Variants in ANTXRL observed in about 807,000 individuals in gnomAD.
The protein encoded by ANTXRL is ANTXR like, also known as anthrax toxin receptor-like.
ANTXRL carries 63 observed loss-of-function variants against 75.4 expected under a neutral mutation model. The observed-to-expected ratio is 0.84, with a 90% CI of 0.68 to 1.03. The LOEUF (loss-of-function observed/expected upper bound fraction) is 1.03, where lower values mean the gene tolerates loss of function less well. ANTXRL is among the 50% of genes least tolerant of loss of function. The probability of loss-of-function intolerance (pLI) is 0.00; values close to 1 mark genes in which losing one functional copy is unlikely to be tolerated. For synonymous variants in ANTXRL, 335 were observed against 291.3 expected, an observed-to-expected ratio of 1.15 and a Z score of -1.53; for missense variants, 797 against 789.4, an observed-to-expected ratio of 1.01 and a Z score of -0.12.
chr10:46,289,059 C>T (rs1201028322), intron 1 of ANTXRL, among the ~76,000 whole-genome samples: 13 of 152,160 alleles, frequency 8.5e-5, no homozygotes, highest in African/African-American at 2.9e-4. Flanking sequence ...CCAAAGACCA[C>T]GCAGCTGGGC....
chr10:46,310,506 T>G lies in ANTXRL; in HGVS notation c.1173+7T>G. On this transcript the variant is annotated splice_region_variant and intron_variant, in intron 14 of 16. Coordinates refer to ENST00000620264, the MANE Select transcript of ANTXRL (RefSeq NM_001278688.3). ...TGTGCAGAAGCCAGAAAAGGTAAGTTGCAGTTCTGGTCCCGATATTGTCAC... is the reference window on the plus strand; with the variant it reads ...TGTGCAGAAGCCAGAAAAGGTAAGTGGCAGTTCTGGTCCCGATATTGTCAC... 6.5e-7 allele frequency: 1 copy of G among 1,536,174 alleles called. No individual in the cohort carries two copies. Among genetic ancestry groups the G allele is most frequent in the South Asian group, 1.2e-5 (1 of 84,040 alleles).
intron 16 of ANTXRL, among the ~76,000 whole-genome samples, chr10:46,326,363 G>T (rs907271577): frequency 6.6e-6 from 1 of 152,024 alleles, no homozygotes; most frequent in Non-Finnish European, 1.5e-5. Context: ...AAAAATGAAC[G>T]GAGGCAGCCC....
Position 46,297,459 on chromosome 10 carries a change from T to C in ANTXRL, c.639T>C (p.Asp213=). 6.5e-7 allele frequency: 1 copy of C among 1,535,722 alleles called. No individual in the cohort carries two copies. Among genetic ancestry groups the C allele is most frequent in the South Asian group, 1.2e-5 (1 of 84,036 alleles). Residue 213 remains aspartate (D), a synonymous_variant, in exon 7 of 17, where the codon GAT becomes GAC. Transcript: ENST00000620264. ...ACGTTTACACCCTGGGTGTGGCTGA[T>C]TATAATCTGGATCAGGTAATTCCAA... ...GANVYTLGVA[D]YNLDQITAIA...
At chr10:46,329,396 G>C (rs1839377879) in intron 16 of ANTXRL, among the ~76,000 whole-genome samples, 1 of 152,104 alleles carries the variant, frequency 6.6e-6, no homozygotes, top group Non-Finnish European at 1.5e-5. Context: ...GAGGAAGAGG[G>C]GACTTTGAAC....
At chr10:46,294,076 T>A (rs1435974360) in intron 3 of ANTXRL, 176 bp downstream of exon 3, 5 of 598,542 alleles carry the variant, frequency 8.4e-6, no homozygotes, top group Non-Finnish European at 1.5e-5. Flanking sequence ...TGCATCCTCC[T>A]ACCCATGGCT....
chr10:46,302,897 C>G (rs1554960923), intron 10 of ANTXRL, 77 bp downstream of exon 10: 1 of 1,186,112 alleles, frequency 8.4e-7, no homozygotes, highest in Non-Finnish European at 1.2e-6. Flanking sequence ...AGCCAAGCCT[C>G]CCAGCCCTTG....
chr10:46,294,018 C>T (rs532613339), intron 3 of ANTXRL, 118 bp downstream of exon 3: 32 of 933,528 alleles, frequency 3.4e-5, no homozygotes, highest in East Asian at 5.3e-5. Flanking sequence ...CAGGGCAGGC[C>T]GGTCAGGGCA....
At chr10:46,297,216 C>G (rs1554959015) in intron 5 of ANTXRL, 36 bp from the exon 6 acceptor site, 1 of 1,522,436 alleles carries the variant, frequency 6.6e-7, no homozygotes, top group South Asian at 1.2e-5. Flanking sequence ...CTCCTGGTGC[C>G]TTTGCTGAGC....
At position 46,313,416 on chromosome 10, in the gene ANTXRL, A is replaced by G; in HGVS notation, c.1410+100A>G. ...TGGGGCTCAGAGAGCCATGTCAGGC[A>G]TCTGCAAAAGAGGACGGCACAAGAC... On this transcript the variant is annotated intron_variant, in intron 16 of 16. Coordinates refer to ENST00000620264, the MANE Select transcript of ANTXRL (RefSeq NM_001278688.3). 3 of 1,264,434 alleles carry G rather than the reference A, an allele frequency of 2.4e-6. No homozygotes were observed. In the South Asian group the frequency reaches 3.8e-5, roughly 16 times the overall value. The allele number at this position is 1,264,434 out of a possible 1,614,324, so 78.3% of individuals were successfully genotyped here. A position where few individuals can be genotyped will look rare whatever the true frequency, so the allele number is the denominator to read the frequency against.
At chr10:46,293,350 ATG>A (rs1565015046) in intron 2 of ANTXRL, among the ~76,000 whole-genome samples, 1 of 105,288 alleles carries the variant, frequency 9.5e-6, no homozygotes, top group Admixed American at 9.6e-5. Flanking sequence ...GTGTGCGTGC[ATG>A]TGTGTGCATG....
chr10:46,315,207 C>G (rs1455602000), intron 16 of ANTXRL, among the ~76,000 whole-genome samples: 4 of 152,328 alleles, frequency 2.6e-5, no homozygotes, highest in South Asian at 4.1e-4. Flanking sequence ...CAGACACCAG[C>G]CAGGCTGCTG....
At chr10:46,306,894 C>A in intron 11 of ANTXRL, 22 bp downstream of exon 11, 1 of 1,512,418 alleles carries the variant, frequency 6.6e-7, no homozygotes, top group South Asian at 1.2e-5. Context: ...TGGCAGGAGG[C>A]TAGAGGGCAA....
chr10:46,306,722 C>T (rs1411886124), intron 10 of ANTXRL, 81 bp from the exon 11 acceptor site: 4 of 1,271,882 alleles, frequency 3.1e-6, no homozygotes, highest in Admixed American at 5.1e-5. Context: ...CAGGGTCAGC[C>T]CTGCATGCTG....
In ANTXRL at chr10:46,297,238, T is replaced by G; in HGVS notation, c.509-14T>G. On this transcript the variant is annotated splice_polypyrimidine_tract_variant and intron_variant, in intron 5 of 16. Coordinates refer to ENST00000620264, the MANE Select transcript of ANTXRL (RefSeq NM_001278688.3). ...TGCCTTTGCTGAGCAGGCCACTCTT[T>G]GCTTCTTCTACAGACAAGGTTCCCA... 1 of 1,535,910 alleles carries G rather than the reference T, an allele frequency of 6.5e-7. No individual in the cohort carries two copies. The highest frequency in any genetic ancestry group is 8.7e-7 in the Non-Finnish European group (1 of 1,146,426).
intron 16 of ANTXRL, among the ~76,000 whole-genome samples, chr10:46,316,000 C>T (rs1371222868): frequency 2.6e-5 from 4 of 152,114 alleles, no homozygotes; most frequent in Non-Finnish European, 5.9e-5. Flanking sequence ...CAAAATGAAG[C>T]AGCACAACTC....
intron 9 of ANTXRL, among the ~76,000 whole-genome samples, chr10:46,302,142 G>A (rs1324205159): frequency 6.6e-6 from 1 of 152,194 alleles, no homozygotes; most frequent in Admixed American, 6.5e-5. Flanking sequence ...ATTCCCTTGA[G>A]CAGGGTCCTA....
In ANTXRL at chr10:46,296,272, C is replaced by A. The variant is rs34058224; in HGVS notation, c.508+20C>A. ...CCGGAAGTAAGCACCTGCCGTCCCC[C>A]TGGTGGTCCTGTAGGGGGAACAGAG... On this transcript the variant is annotated intron_variant, in intron 5 of 16. Coordinates refer to ENST00000620264, the MANE Select transcript of ANTXRL (RefSeq NM_001278688.3). The A allele has an allele frequency of 0.24, 361,590 of 1,530,934 alleles. 36,664 individuals carry two copies. Among genetic ancestry groups the A allele is most frequent in the East Asian group, 0.33 (13,664 of 40,880 alleles). The allele number at this position is 1,530,934 out of a possible 1,614,324, so 94.8% of individuals were successfully genotyped here.
Position 46,287,313 on chromosome 10 carries a change from G to A in ANTXRL, c.51G>A (p.Leu17=). ...CCTACTTCCTGGTCTTCCTGCTGCTGCTGCTGCTTCCTCCACCGCTTTTTA... is the reference window on the plus strand; with the variant it reads ...CCTACTTCCTGGTCTTCCTGCTGCTACTGCTGCTTCCTCCACCGCTTTTTA... ...LGPYFLVFLL[L]LLLPPPLFRA... Residue 17 remains leucine, a synonymous_variant, in exon 1 of 17, where the codon CTG becomes CTA. Transcript: ENST00000620264. The A allele has an allele frequency of 6.5e-7, 1 of 1,535,976 alleles. No homozygotes were observed. Among genetic ancestry groups the A allele is most frequent in the Non-Finnish European group, 8.7e-7 (1 of 1,146,758 alleles).
chr10:46,320,472 CT>C (rs1554965383), intron 16 of ANTXRL, among the ~76,000 whole-genome samples: 2 of 152,164 alleles, frequency 1.3e-5, no homozygotes, highest in African/African-American at 2.4e-5. Context: ...TGACTCACTC[CT>C]GTAATCCCAA....
Sources: allele counts gnomAD v4.1 joint callset (sites outside exome capture counted in the v4.1 genomes callset), GRCh38; gene constraint gnomAD v4.1.1; transcripts MANE v1.5; gene names NCBI Gene and HGNC (gene_info 2026-07-23, HGNC 2026-07-21).